Variants in NLRP4 observed in about 807,000 individuals in gnomAD.
The protein encoded by NLRP4 is NLR family pyrin domain containing 4.
A neutral mutation model predicts 84.7 loss-of-function variants in NLRP4; 44 were observed. The observed-to-expected ratio is 0.52, with a 90% CI of 0.41 to 0.67. The LOEUF is 0.67. Ranked by LOEUF, NLRP4 falls within the 30% of genes least tolerant of loss-of-function variation. The pLI, the probability that NLRP4 is intolerant of heterozygous loss-of-function variation, is 0.00. For missense variants in NLRP4, 1,260 were observed against 1,219.4 expected, an observed-to-expected ratio of 1.03 and a Z score of -0.50; for synonymous variants, 544 against 476.4, an observed-to-expected ratio of 1.14 and a Z score of -1.85.
intron 1 of NLRP4, among the ~76,000 whole-genome samples, chr19:55,844,301 C>T (rs926367176): frequency 2.0e-5 from 3 of 151,710 alleles, no homozygotes; most frequent in Non-Finnish European, 4.4e-5. Flanking sequence ...TTTTATTTTT[C>T]GAGATGGAGT....
chr19:55,869,190 T>C (rs542964852), intron 6 of NLRP4, among the ~76,000 whole-genome samples: 1 of 151,970 alleles, frequency 6.6e-6, no homozygotes, highest in African/African-American at 2.4e-5. Flanking sequence ...CCGTCTCTAC[T>C]AAAAATACAA....
intron 1 of NLRP4, among the ~76,000 whole-genome samples, chr19:55,843,997 G>C (rs1983705811): frequency 6.6e-6 from 1 of 151,976 alleles, no homozygotes; most frequent in Non-Finnish European, 1.5e-5. Context: ...TGTCAAATCT[G>C]ATACTAACAC....
At position 55,861,603 on chromosome 19, in the gene NLRP4, C is replaced by T. The variant is rs554575750; in HGVS notation, c.2018+56C>T. ...TGTCACGGAGATGACCTATTCATCT[C>T]ACCTCTAGCTTTCAGTCGAGGCTAA... is the stretch of plus-strand genomic sequence containing the variant. On this transcript the variant is annotated intron_variant, in intron 4 of 9. Coordinates refer to ENST00000301295, the MANE Select transcript of NLRP4 (RefSeq NM_134444.5). The T allele has an allele frequency of 4.6e-6, 7 of 1,524,162 alleles. No individual in the cohort carries two copies. The South Asian group carries it at 5.9e-5, about 13-fold the overall frequency. The allele number at this position is 1,524,162 out of a possible 1,614,324, so 94.4% of individuals were successfully genotyped here.
chr19:55,867,850 C>A lies in NLRP4; in HGVS notation c.2328C>A (p.Ser776Arg), dbSNP rs754664911. The A allele has an allele frequency of 4.3e-6, 7 of 1,613,988 alleles. No homozygotes were observed. The Admixed American group carries it at 1.2e-4, about 27-fold the overall frequency. The change falls in exon 6 of 10, where the codon AGC becomes AGA. Residue 776 changes from serine (S) to arginine (R), a missense_variant. Coordinates refer to ENST00000301295, the MANE Select transcript of NLRP4 (RefSeq NM_134444.5). ...CCCTTTTGTGTGAAGCCCTGTGCAG[C>A]CCAGACACGGTCCTGGTATACCTGA... is the stretch of plus-strand genomic sequence containing the variant. ...GVPLLCEALC[S>R]PDTVLVYLML...
intron 6 of NLRP4, among the ~76,000 whole-genome samples, chr19:55,870,297 G>T (rs980912249): frequency 5.9e-5 from 9 of 152,184 alleles, no homozygotes; most frequent in African/African-American, 2.2e-4. Context: ...TATTAGCTAT[G>T]CCATATTACA....
chr19:55,864,916 T>C (rs1376957167), intron 5 of NLRP4, among the ~76,000 whole-genome samples: 1 of 152,190 alleles, frequency 6.6e-6, no homozygotes, highest in East Asian at 1.9e-4. Context: ...CCTTCACACA[T>C]TTTTAAAAAC....
intron 9 of NLRP4, 73 bp downstream of exon 9, chr19:55,879,037 G>A (rs1985486155): frequency 8.5e-7 from 1 of 1,176,180 alleles, no homozygotes; most frequent in Non-Finnish European, 1.2e-6. Context: ...GACCTGCAGT[G>A]TAATCACGTT....
chr19:55,844,878 C>T (rs1393780807), intron 1 of NLRP4, among the ~76,000 whole-genome samples: 7 of 151,828 alleles, frequency 4.6e-5, no homozygotes, highest in Middle Eastern at 6.8e-3. Flanking sequence ...AGTGTGTGTG[C>T]GTGTGTGTAT....
intron 3 of NLRP4, 128 bp downstream of exon 3, chr19:55,859,377 C>A: frequency 1.4e-6 from 1 of 733,002 alleles, no homozygotes; most frequent in Non-Finnish European, 2.2e-6. Flanking sequence ...AAAACCTCAG[C>A]TCACATCCTG....
rs150178583 is a variant in NLRP4 at position 55,856,964 on chromosome 19, C to G, written c.281-710C>G. ...TGGAGGCAACTGCCTAGGTCAGGTCCTTTTTAGGTGGACTTTCAGATCTAG... is the reference window on the plus strand; with the variant it reads ...TGGAGGCAACTGCCTAGGTCAGGTCGTTTTTAGGTGGACTTTCAGATCTAG... On this transcript the variant is annotated intron_variant, in intron 2 of 9. Coordinates refer to ENST00000301295, the MANE Select transcript of NLRP4 (RefSeq NM_134444.5). 2.2e-3 allele frequency among the ~76,000 whole-genome samples: 334 copies of G among 152,300 alleles called. 1 individual carries two copies. The highest frequency in any genetic ancestry group is 2.7e-3 in the Non-Finnish European group (183 of 68,026).
intron 5 of NLRP4, among the ~76,000 whole-genome samples, chr19:55,863,164 C>T (rs937731671): frequency 6.6e-6 from 1 of 152,176 alleles, no homozygotes; most frequent in African/African-American, 2.4e-5. Flanking sequence ...ATGCAAAAAC[C>T]TGGACAAATC....
At chr19:55,872,181 A>G (rs918848230) in intron 7 of NLRP4, among the ~76,000 whole-genome samples, 5 of 152,196 alleles carry the variant, frequency 3.3e-5, no homozygotes, top group African/African-American at 1.2e-4. Context: ...CAGGCTAAGT[A>G]GATAGCACTT....
At chr19:55,871,607 G>A (rs1016992436) in intron 7 of NLRP4, among the ~76,000 whole-genome samples, 2 of 152,094 alleles carry the variant, frequency 1.3e-5, no homozygotes, top group Non-Finnish European at 2.9e-5. Flanking sequence ...AAAATACAGA[G>A]GCTTCTGAAA....
intron 1 of NLRP4, among the ~76,000 whole-genome samples, chr19:55,838,493 C>G (rs1020219669): frequency 1.3e-5 from 2 of 152,064 alleles, no homozygotes; most frequent in African/African-American, 4.8e-5. Flanking sequence ...TTTTGGACAT[C>G]TAGGCTCCAG....
chr19:55,854,114 T>G (rs965134708), intron 2 of NLRP4, among the ~76,000 whole-genome samples: 3 of 151,930 alleles, frequency 2.0e-5, no homozygotes, highest in South Asian at 4.2e-4. Context: ...GGATTTCAGA[T>G]GCCCGCCACC....
At chr19:55,837,946 GA>G (rs1983436054) in intron 1 of NLRP4, among the ~76,000 whole-genome samples, 1 of 151,480 alleles carries the variant, frequency 6.6e-6, no homozygotes, top group Admixed American at 6.6e-5. Flanking sequence ...TGAGGCAGGA[GA>G]ATTGCCTGAA....
chr19:55,860,087 G>A (rs991872637), intron 3 of NLRP4, among the ~76,000 whole-genome samples: 4 of 148,812 alleles, frequency 2.7e-5, no homozygotes, highest in South Asian at 2.1e-4. Context: ...CCAGGTTCAC[G>A]CCATTCTCCT....
intron 1 of NLRP4, among the ~76,000 whole-genome samples, chr19:55,845,048 T>A (rs944398316): frequency 3.8e-4 from 58 of 152,234 alleles, no homozygotes; most frequent in Non-Finnish European, 7.6e-4. Context: ...TATTATACTT[T>A]AAGTTTTAGG....
chr19:55,873,744 T>C (rs543329159), intron 7 of NLRP4, among the ~76,000 whole-genome samples: 1 of 152,328 alleles, frequency 6.6e-6, no homozygotes, highest in East Asian at 1.9e-4. Context: ...CAAAGTATTA[T>C]TCGGTTCATG....
Sources: allele counts gnomAD v4.1 joint callset (sites outside exome capture counted in the v4.1 genomes callset), GRCh38; gene constraint gnomAD v4.1.1; transcripts MANE v1.5; gene names NCBI Gene and HGNC (gene_info 2026-07-23, HGNC 2026-07-21).